The following NRXN3 variants were observed in gnomAD, a reference collection of about 807,000 sequenced individuals.
NRXN3 encodes neurexin III.
NRXN3 carries 32 observed loss-of-function variants against 137.6 expected under a neutral mutation model. The observed-to-expected ratio is 0.23, with a 90% CI of 0.18 to 0.31. NRXN3 has a LOEUF of 0.31. Among genes scored for constraint, NRXN3 ranks in the 10% least tolerant of loss-of-function variants. The pLI is 1.00. For missense variants in NRXN3, 1,574 were observed against 2,062.5 expected (o/e 0.76, Z 4.59); for synonymous variants, 798 against 784.5 (o/e 1.02, Z -0.29).
intron 17 of NRXN3, among the ~76,000 whole-genome samples, chr14:79,664,318 C>T (rs552093760): frequency 2.0e-5 from 3 of 152,230 alleles, no homozygotes; most frequent in African/African-American, 7.2e-5. Context: ...GAGACCCAGA[C>T]TTTGTGGTGC....
At chr14:79,369,993 G>A (rs912474254) in intron 15 of NRXN3, among the ~76,000 whole-genome samples, 1 of 152,202 alleles carries the variant, frequency 6.6e-6, no homozygotes, top group Admixed American at 6.5e-5. Flanking sequence ...CATCCAGAAG[G>A]TTTCTTGGGC....
intron 8 of NRXN3, among the ~76,000 whole-genome samples, chr14:78,743,799 T>C (rs2098594036): frequency 6.6e-6 from 1 of 152,168 alleles, no homozygotes; most frequent in African/African-American, 2.4e-5. Flanking sequence ...GGAGGGATCC[T>C]TCATTGAAAG....
intron 2 of NRXN3, among the ~76,000 whole-genome samples, chr14:78,275,292 A>G (rs1000120730): frequency 1.3e-5 from 2 of 152,232 alleles, no homozygotes; most frequent in African/African-American, 4.8e-5. Flanking sequence ...TCCAATGTTT[A>G]AAGCAGAGTT....
chr14:78,360,732 T>C (rs143457485), intron 4 of NRXN3, among the ~76,000 whole-genome samples: 220 of 152,348 alleles, frequency 1.4e-3, no homozygotes, highest in African/African-American at 4.3e-3. Flanking sequence ...AAAATATATT[T>C]ACATTTAAAT....
chr14:79,735,493 T>C (rs2154075642), intron 19 of NRXN3, among the ~76,000 whole-genome samples: 1 of 152,278 alleles, frequency 6.6e-6, no homozygotes, highest in Non-Finnish European at 1.5e-5. Context: ...GGAAAAATTT[T>C]AGGAGGATTT....
chr14:78,636,885 A>G (rs975722263), intron 4 of NRXN3, among the ~76,000 whole-genome samples: 1 of 151,956 alleles, frequency 6.6e-6, no homozygotes, highest in East Asian at 1.9e-4. Flanking sequence ...CTGGATCCCT[A>G]TATTACATAA....
At chr14:78,348,858 G>C (rs2083103596) in intron 4 of NRXN3, among the ~76,000 whole-genome samples, 1 of 152,172 alleles carries the variant, frequency 6.6e-6, no homozygotes, top group East Asian at 1.9e-4. Context: ...ATATTTGCAG[G>C]TGCTGGACTC....
chr14:79,495,091 G>A (rs1417292674), intron 16 of NRXN3, among the ~76,000 whole-genome samples: 1 of 151,970 alleles, frequency 6.6e-6, no homozygotes, highest in Non-Finnish European at 1.5e-5. Context: ...TACTACTTTG[G>A]GCTCATTATT....
At chr14:79,273,838 T>C (rs1190724495) in intron 15 of NRXN3, among the ~76,000 whole-genome samples, 1 of 151,810 alleles carries the variant, frequency 6.6e-6, no homozygotes, top group Non-Finnish European at 1.5e-5. Flanking sequence ...GGCTCACACC[T>C]GTAATGCCAG....
At chr14:79,666,493 TA>T (rs1360133186) in intron 17 of NRXN3, among the ~76,000 whole-genome samples, 1 of 152,120 alleles carries the variant, frequency 6.6e-6, no homozygotes, top group African/African-American at 2.4e-5. Context: ...ACAAGGTAGA[TA>T]TTTTTTATTC....
chr14:78,254,819 A>G (rs73310323), intron 2 of NRXN3, among the ~76,000 whole-genome samples: 87 of 152,288 alleles, frequency 5.7e-4, no homozygotes, highest in African/African-American at 2.0e-3. Flanking sequence ...TAAAAGGCCT[A>G]GTAGTATTTT....
chr14:79,089,011 G>T (rs1056846269), intron 15 of NRXN3, among the ~76,000 whole-genome samples: 2 of 152,222 alleles, frequency 1.3e-5, no homozygotes, highest in Non-Finnish European at 2.9e-5. Flanking sequence ...ATGGCTAACA[G>T]ATCACTCTCA....
intron 6 of NRXN3, among the ~76,000 whole-genome samples, chr14:78,670,309 C>T (rs1011319694): frequency 5.3e-5 from 8 of 152,090 alleles, no homozygotes; most frequent in East Asian, 1.9e-4. Context: ...TGAATAGTGC[C>T]GCAATAAACA....
chr14:79,185,550 C>T (rs1391213320), intron 15 of NRXN3, among the ~76,000 whole-genome samples: 1 of 151,298 alleles, frequency 6.6e-6, no homozygotes, highest in African/African-American at 2.4e-5. Context: ...ACTGCAAGCT[C>T]CAGCTCCTGG....
intron 4 of NRXN3, among the ~76,000 whole-genome samples, chr14:78,552,266 G>A (rs1049905673): frequency 1.3e-5 from 2 of 152,206 alleles, no homozygotes; most frequent in African/African-American, 2.4e-5. Flanking sequence ...CTGGCACATA[G>A]TAGGTGTTAA....
chr14:78,322,085 T>C (rs2079443672), intron 4 of NRXN3, among the ~76,000 whole-genome samples: 1 of 151,104 alleles, frequency 6.6e-6, no homozygotes. Flanking sequence ...ATACCAGCCC[T>C]TTTTTTTTAA....
At chr14:79,723,346 A>G (rs1463501938) in intron 19 of NRXN3, among the ~76,000 whole-genome samples, 1 of 152,086 alleles carries the variant, frequency 6.6e-6, no homozygotes, top group African/African-American at 2.4e-5. Context: ...TACACACTCC[A>G]TTTCCCTCTC....
chr14:78,580,655 G>A (rs1043978275), intron 4 of NRXN3, among the ~76,000 whole-genome samples: 3 of 152,164 alleles, frequency 2.0e-5, no homozygotes, highest in African/African-American at 7.2e-5. Context: ...AGACTCATTG[G>A]AGAGGTGACT....
intron 16 of NRXN3, among the ~76,000 whole-genome samples, chr14:79,649,766 C>T (rs992122265): frequency 6.6e-6 from 1 of 152,206 alleles, no homozygotes. Context: ...ATCTTCTAAA[C>T]TTCTCCCATT....
Sources: allele counts gnomAD v4.1 joint callset (sites outside exome capture counted in the v4.1 genomes callset), GRCh38; gene constraint gnomAD v4.1.1; transcripts MANE v1.5; gene names NCBI Gene and HGNC (gene_info 2026-07-23, HGNC 2026-07-21).